Variants in GSK3B observed in about 807,000 individuals in gnomAD.
GSK3B encodes the protein glycogen synthase kinase-3 beta.
Under a neutral mutation model 56.4 loss-of-function variants are expected in GSK3B, and 15 were observed. The observed-to-expected ratio is 0.27, with a 90% CI of 0.18 to 0.41. GSK3B has a LOEUF of 0.41. Ranked by LOEUF, GSK3B falls within the 10% of genes least tolerant of loss-of-function variation. GSK3B has a pLI of 1.00. For missense variants in GSK3B, 300 were observed against 513.4 expected (o/e 0.58, Z 4.02); for synonymous variants, 181 against 188.9 (o/e 0.96, Z 0.34).
intron 7 of GSK3B, among the ~76,000 whole-genome samples, chr3:119,890,020 T>G (rs914256479): frequency 6.6e-6 from 1 of 152,146 alleles, no homozygotes; most frequent in African/African-American, 2.4e-5. Context: ...GATGAGAATG[T>G]GAAGCACTGG....
At chr3:120,033,089 G>C (rs1244553700) in intron 1 of GSK3B, among the ~76,000 whole-genome samples, 1 of 152,132 alleles carries the variant, frequency 6.6e-6, no homozygotes, top group Non-Finnish European at 1.5e-5. Flanking sequence ...CATTTATATA[G>C]GTGGAATCAT....
At chr3:120,070,161 C>T (rs983362096) in intron 1 of GSK3B, among the ~76,000 whole-genome samples, 1 of 151,118 alleles carries the variant, frequency 6.6e-6, no homozygotes, top group South Asian at 2.1e-4. Flanking sequence ...TGCAGTGAGC[C>T]GAGACTGCAC....
intron 3 of GSK3B, among the ~76,000 whole-genome samples, chr3:119,932,010 T>C (rs1235667547): frequency 6.6e-6 from 1 of 152,230 alleles, no homozygotes; most frequent in Non-Finnish European, 1.5e-5. Flanking sequence ...TTTGATCACA[T>C]GTAACAACAA....
At chr3:119,864,893 T>C (rs1440533543) in intron 8 of GSK3B, among the ~76,000 whole-genome samples, 1 of 152,142 alleles carries the variant, frequency 6.6e-6, no homozygotes, top group Non-Finnish European at 1.5e-5. Flanking sequence ...TAGGAAATTA[T>C]TTCGGAACAT....
intron 7 of GSK3B, among the ~76,000 whole-genome samples, chr3:119,877,812 TGGAC>T (rs1455308488): frequency 6.6e-6 from 1 of 152,184 alleles, no homozygotes; most frequent in Admixed American, 6.5e-5. Context: ...AGAAAGTACA[TGGAC>T]CTGGCTGTAC....
chr3:120,041,668 A>G (rs2058065746), intron 1 of GSK3B: 1 of 151,844 alleles, frequency 6.6e-6, no homozygotes, highest in Admixed American at 6.5e-5. Flanking sequence ...CTAAATCTAA[A>G]AAGAAAGCAC....
chr3:119,851,665 A>G (rs1021734661), intron 9 of GSK3B, among the ~76,000 whole-genome samples: 2 of 152,190 alleles, frequency 1.3e-5, no homozygotes, highest in Admixed American at 1.3e-4. Flanking sequence ...ACTAGCTTTG[A>G]AGGAGCTCAC....
chr3:120,031,684 C>T (rs912139506), intron 1 of GSK3B, among the ~76,000 whole-genome samples: 10 of 152,214 alleles, frequency 6.6e-5, no homozygotes, highest in African/African-American at 2.4e-4. Flanking sequence ...TTATCACCAT[C>T]CTCTGTTTCA....
intron 3 of GSK3B, among the ~76,000 whole-genome samples, chr3:119,931,195 A>C (rs879397567): frequency 5.3e-5 from 8 of 152,218 alleles, no homozygotes; most frequent in Admixed American, 5.2e-4. Flanking sequence ...TTTTGAGAAG[A>C]CCAGGATTCA....
At chr3:120,082,098 T>G (rs1297892212) in intron 1 of GSK3B, among the ~76,000 whole-genome samples, 1 of 152,152 alleles carries the variant, frequency 6.6e-6, no homozygotes, top group African/African-American at 2.4e-5. Flanking sequence ...TTTACTAAAA[T>G]AAGGGTGGAA....
intron 1 of GSK3B, among the ~76,000 whole-genome samples, chr3:120,019,311 C>T (rs977302696): frequency 1.3e-5 from 2 of 152,088 alleles, no homozygotes; most frequent in Non-Finnish European, 2.9e-5. Flanking sequence ...ATTCTACTCC[C>T]CATTCCCAGT....
chr3:119,901,865 CTTA>C (rs2056628047), intron 7 of GSK3B, among the ~76,000 whole-genome samples: 1 of 152,054 alleles, frequency 6.6e-6, no homozygotes. Context: ...CTTCATAAAG[CTTA>C]TTATATGATT....
intron 2 of GSK3B, among the ~76,000 whole-genome samples, chr3:119,991,063 A>G (rs1264545352): frequency 6.6e-6 from 1 of 152,206 alleles, no homozygotes; most frequent in East Asian, 1.9e-4. Flanking sequence ...GGAGACTTGA[A>G]ACCTATGACT....
At chr3:119,939,381 A>G (rs1447506999) in intron 3 of GSK3B, among the ~76,000 whole-genome samples, 1 of 152,146 alleles carries the variant, frequency 6.6e-6, no homozygotes, top group Non-Finnish European at 1.5e-5. Context: ...CTTTTAGGTA[A>G]CTGAAGAAGT....
chr3:120,000,725 T>G, intron 2 of GSK3B, among the ~76,000 whole-genome samples: 1 of 148,376 alleles, frequency 6.7e-6, no homozygotes, highest in South Asian at 2.1e-4. Context: ...TAGGCTCCCC[T>G]AATGAGGTAC....
At chr3:119,882,241 C>T (rs2056388085) in intron 7 of GSK3B, among the ~76,000 whole-genome samples, 1 of 151,732 alleles carries the variant, frequency 6.6e-6, no homozygotes, top group South Asian at 2.1e-4. Flanking sequence ...GAAACATATG[C>T]TTATATACAC....
chr3:120,049,872 A>G (rs187341713), intron 1 of GSK3B, among the ~76,000 whole-genome samples: 2 of 152,346 alleles, frequency 1.3e-5, no homozygotes, highest in East Asian at 3.9e-4. Context: ...TAGCATAAAA[A>G]TAGCAATAGA....
At chr3:119,890,265 A>T (rs1259178342) in intron 7 of GSK3B, among the ~76,000 whole-genome samples, 1 of 152,140 alleles carries the variant, frequency 6.6e-6, no homozygotes, top group African/African-American at 2.4e-5. Flanking sequence ...TGGATAAAGA[A>T]ATTGTGGTAT....
chr3:119,866,564 T>C lies in GSK3B; in HGVS notation c.910-2959A>G, dbSNP rs756918563. 3.3e-6 allele frequency: 5 copies of C among 1,535,930 alleles called. No homozygotes were observed. In the South Asian group the frequency reaches 5.7e-5, roughly 18 times the overall value. ...AGTTTTATAGACCTGCCCTGAAATT[T>C]TGGGAAAAAAAAATTAAGTACATAC... On this transcript the variant is annotated intron_variant, in intron 8 of 10. Coordinates refer to ENST00000264235, the MANE Select transcript of GSK3B (RefSeq NM_001146156.2).
Sources: gnomAD v4.1 joint callset for allele counts (sites outside exome capture counted in the v4.1 genomes callset) on GRCh38, gnomAD v4.1.1 for gene constraint, MANE v1.5 for transcripts, NCBI Gene and HGNC (gene_info 2026-07-23, HGNC 2026-07-21) for gene names.